Variants in PDE7B observed in about 807,000 individuals in gnomAD.
PDE7B encodes 3',5'-cyclic-AMP phosphodiesterase 7B.
PDE7B carries 29 observed loss-of-function variants against 56.2 expected under a neutral mutation model. That is an observed-to-expected ratio of 0.52 (90% CI 0.38 to 0.70). The LOEUF (loss-of-function observed/expected upper bound fraction) is 0.70, where lower values mean the gene tolerates loss of function less well. Ranked by LOEUF, PDE7B falls within the 30% of genes least tolerant of loss-of-function variation. The pLI is 0.00. For missense variants in PDE7B, 490 were observed against 565.0 expected (o/e 0.87, Z 1.35); for synonymous variants, 197 against 196.9 (o/e 1.00, Z 0.00).
At position 136,192,372 on chromosome 6, in the gene PDE7B, A is replaced by G. The variant is rs1779244902; in HGVS notation, c.*532A>G. 6.6e-6 allele frequency: 1 copy of G among 152,168 alleles called. No individual in the cohort carries two copies. The highest frequency in any genetic ancestry group is 1.5e-5 in the Non-Finnish European group (1 of 68,028). 9.4% of individuals were successfully genotyped at this position (152,168 alleles called of 1,614,324 possible). On this transcript the variant is annotated 3_prime_UTR_variant, in exon 13 of 13. Transcript: ENST00000308191. ...AATAATAAATCTTTTTAACTTTTAT[A>G]TTTTATGCACTAGACAATGGATCTG... is the stretch of plus-strand genomic sequence containing the variant.
chr6:136,154,067 C>T lies in PDE7B; in HGVS notation c.479-8C>T. 1 of 1,598,140 alleles carries T rather than the reference C, an allele frequency of 6.3e-7. No homozygotes were observed. The highest frequency in any genetic ancestry group is 8.6e-7 in the Non-Finnish European group (1 of 1,165,640). ...TTTAGTTGATTGAGTTATCTGTTTA[C>T]CTCCCAGTCATGGTTCAAGAAGATT... On this transcript the variant is annotated splice_region_variant and splice_polypyrimidine_tract_variant and intron_variant, in intron 6 of 12. Coordinates refer to ENST00000308191, the MANE Select transcript of PDE7B (RefSeq NM_018945.4).
At chr6:136,157,257 T>C (rs1434029307) in intron 8 of PDE7B, among the ~76,000 whole-genome samples, 1 of 152,154 alleles carries the variant, frequency 6.6e-6, no homozygotes, top group Non-Finnish European at 1.5e-5. Context: ...ACAATGCTCC[T>C]ATTGTAGTAA....
chr6:136,009,913 G>A (rs2128207047), intron 2 of PDE7B, among the ~76,000 whole-genome samples: 1 of 152,240 alleles, frequency 6.6e-6, no homozygotes, highest in Middle Eastern at 3.4e-3. Context: ...TGGAATCACT[G>A]ATCTTTTGAA....
rs145394374 is a variant in PDE7B, at chr6:136,100,286, G to T, written c.83-8445G>T. Among the ~76,000 whole-genome samples, 358 of 152,162 alleles carry T rather than the reference G, an allele frequency of 2.4e-3. 4 individuals are homozygous for T. The highest frequency in any genetic ancestry group is 7.9e-3 in the African/African-American group (326 of 41,510). On this transcript the variant is annotated intron_variant, in intron 2 of 12. Transcript: ENST00000308191. ...CTTGTTGGTTCCATATGAAATTGAA[G>T]TAATTTTTTCCAATTCTGTGAAGAA...
rs139669739 is a variant in PDE7B, at chr6:136,101,618, G to A, written c.83-7113G>A. 1.8e-3 allele frequency among the ~76,000 whole-genome samples: 278 copies of A among 152,192 alleles called. 2 individuals are homozygous for A. Among genetic ancestry groups the A allele is most frequent in the African/African-American group, 6.4e-3 (265 of 41,512 alleles). ...GTCTTCGCCTACTTTTCAACATTTTGTGTAATGTTTTGCATAAGCATTTGT... is the reference window on the plus strand; with the variant it reads ...GTCTTCGCCTACTTTTCAACATTTTATGTAATGTTTTGCATAAGCATTTGT... On this transcript the variant is annotated intron_variant, in intron 2 of 12. Transcript: ENST00000308191.
chr6:135,946,154 GT>G (rs1335089578), intron 1 of PDE7B, among the ~76,000 whole-genome samples: 1 of 151,486 alleles, frequency 6.6e-6, no homozygotes, highest in Non-Finnish European at 1.5e-5. Context: ...ATGGACAATT[GT>G]TTTTGGCTTA....
chr6:135,962,437 C>G (rs1310872727), intron 2 of PDE7B, among the ~76,000 whole-genome samples: 1 of 152,112 alleles, frequency 6.6e-6, no homozygotes, highest in African/African-American at 2.4e-5. Context: ...TAAAAAAATT[C>G]AAGAAGCGTT....
At chr6:136,032,407 G>A (rs1009791313) in intron 2 of PDE7B, among the ~76,000 whole-genome samples, 3 of 152,136 alleles carry the variant, frequency 2.0e-5, no homozygotes, top group Non-Finnish European at 2.9e-5. Context: ...CATGATTCCT[G>A]GGCTTTTATC....
intron 11 of PDE7B, 56 bp from the exon 12 acceptor site, chr6:136,186,977 ACTC>A: frequency 1.2e-6 from 1 of 863,576 alleles, no homozygotes; most frequent in South Asian, 1.4e-5. Context: ...AATTATTAAT[ACTC>A]ATTTTATAAG....
At chr6:136,007,955 G>A (rs1216812059) in intron 2 of PDE7B, among the ~76,000 whole-genome samples, 1 of 151,782 alleles carries the variant, frequency 6.6e-6, no homozygotes, top group Non-Finnish European at 1.5e-5. Flanking sequence ...TTAACATTAG[G>A]TATATCTCCT....
chr6:136,186,427 C>T (rs1318919088), intron 11 of PDE7B, among the ~76,000 whole-genome samples: 1 of 151,546 alleles, frequency 6.6e-6, no homozygotes, highest in Admixed American at 6.6e-5. Context: ...GACTCTGTCT[C>T]AAAAAGAAAA....
intron 2 of PDE7B, among the ~76,000 whole-genome samples, chr6:136,004,305 C>T (rs1775733376): frequency 6.6e-6 from 1 of 152,154 alleles, no homozygotes; most frequent in Non-Finnish European, 1.5e-5. Flanking sequence ...GACAGGGATG[C>T]CCTCTCTTAC....
chr6:136,045,848 C>T (rs1021954325), intron 2 of PDE7B, among the ~76,000 whole-genome samples: 9 of 150,546 alleles, frequency 6.0e-5, no homozygotes, highest in Admixed American at 1.4e-4. Flanking sequence ...GTAAAGGTAT[C>T]GAAAAGGAAA....
intron 2 of PDE7B, among the ~76,000 whole-genome samples, chr6:136,093,201 T>A (rs1475198166): frequency 6.6e-6 from 1 of 152,198 alleles, no homozygotes. Context: ...GTCAGGGGTA[T>A]GTTTAATGCA....
chr6:136,187,340 C>A (rs779803833), intron 12 of PDE7B, among the ~76,000 whole-genome samples: 16 of 151,992 alleles, frequency 1.1e-4, no homozygotes, highest in Non-Finnish European at 1.6e-4. Context: ...TGTTATAGGC[C>A]CTTAACTAAC....
intron 2 of PDE7B, among the ~76,000 whole-genome samples, chr6:135,974,220 A>G (rs555392774): frequency 1.5e-4 from 23 of 152,094 alleles, no homozygotes; most frequent in Non-Finnish European, 2.9e-4. Context: ...TCTCAAAATA[A>G]CCCTGTAATA....
At chr6:136,116,817 A>G (rs1195870925) in intron 3 of PDE7B, among the ~76,000 whole-genome samples, 1 of 152,360 alleles carries the variant, frequency 6.6e-6, no homozygotes, top group Admixed American at 6.5e-5. Context: ...GGCGTCATGA[A>G]GTCAACCAAC....
rs561144677 is a variant in PDE7B, at chr6:135,922,322, G to A, written c.22-25142G>A. Among the ~76,000 whole-genome samples the A allele has an allele frequency of 5.9e-5, 9 of 152,296 alleles. No homozygotes were observed. In the South Asian group the frequency reaches 1.0e-3, roughly 18 times the overall value. ...TCATTTTGAGTTACTAGGTTCAGTA[G>A]TGAAACTCTGTAGTTTTCTTGGCCC... is the stretch of plus-strand genomic sequence containing the variant. On this transcript the variant is annotated intron_variant, in intron 1 of 12. Coordinates refer to ENST00000308191, the MANE Select transcript of PDE7B (RefSeq NM_018945.4).
chr6:136,191,787 G>T lies in PDE7B; in HGVS notation c.1300G>T (p.Asp434Tyr). The T allele has an allele frequency of 6.4e-7, 1 of 1,570,018 alleles. No individual in the cohort carries two copies. ...CAGCAGTGGCAGCGGGCCTGACCACGACCACGCAGGCCAAGGGACTGAGAG... is the reference window on the plus strand; with the variant it reads ...CAGCAGTGGCAGCGGGCCTGACCACTACCACGCAGGCCAAGGGACTGAGAG... ...RGSSGSGPDH[D>Y]HAGQGTESEE... The change falls in exon 13 of 13, where the codon GAC becomes TAC. Residue 434 changes from aspartate to tyrosine, a missense_variant. By Grantham distance (160) the Asp-to-Tyr change is radical (BLOSUM62 -3). Transcript: ENST00000308191.
Sources: allele counts gnomAD v4.1 joint callset (sites outside exome capture counted in the v4.1 genomes callset), GRCh38; gene constraint gnomAD v4.1.1; transcripts MANE v1.5; gene names NCBI Gene and HGNC (gene_info 2026-07-23, HGNC 2026-07-21).